The following ADGRB3 variants were observed in gnomAD, a reference collection of about 807,000 sequenced individuals.
ADGRB3 encodes adhesion G protein-coupled receptor B3.
ADGRB3 carries 37 observed loss-of-function variants against 193.4 expected under a neutral mutation model. The ratio of observed to expected loss-of-function variants is 0.19; its 90% CI spans 0.15 to 0.25. The LOEUF is 0.25. Ranked by LOEUF, ADGRB3 falls within the 10% of genes least tolerant of loss-of-function variation. The pLI is 1.00. For missense variants in ADGRB3, 1,637 were observed against 1,852.9 expected (o/e 0.88, Z 2.14); for synonymous variants, 690 against 644.2 (o/e 1.07, Z -1.08).
At chr6:68,739,257 C>T in intron 3 of ADGRB3, among the ~76,000 whole-genome samples, 1 of 151,962 alleles carries the variant, frequency 6.6e-6, no homozygotes, top group East Asian at 1.9e-4. Flanking sequence ...AAGGAAAGAT[C>T]TTTGTAGGAA....
chr6:68,638,102 G>A (rs1418065011), intron 2 of ADGRB3, among the ~76,000 whole-genome samples: 1 of 152,182 alleles, frequency 6.6e-6, no homozygotes, highest in African/African-American at 2.4e-5. Flanking sequence ...TGTTCCATCT[G>A]TAATAAATTA....
At chr6:68,860,485 T>A (rs1361791450) in intron 3 of ADGRB3, among the ~76,000 whole-genome samples, 1 of 152,232 alleles carries the variant, frequency 6.6e-6, no homozygotes, top group African/African-American at 2.4e-5. Context: ...GGATAAATGA[T>A]AATTGATTTC....
intron 3 of ADGRB3, among the ~76,000 whole-genome samples, chr6:68,837,142 C>G (rs903492864): frequency 6.6e-6 from 1 of 152,152 alleles, no homozygotes; most frequent in Admixed American, 6.5e-5. Flanking sequence ...AAACCAGGAA[C>G]TGCATACAAA....
intron 17 of ADGRB3, among the ~76,000 whole-genome samples, chr6:69,152,712 G>A (rs1029838917): frequency 4.6e-5 from 7 of 152,078 alleles, no homozygotes; most frequent in African/African-American, 1.4e-4. Flanking sequence ...CCATCACAAA[G>A]GATGCACATT....
intron 17 of ADGRB3, among the ~76,000 whole-genome samples, chr6:69,098,158 C>T (rs377517546): frequency 1.6e-4 from 24 of 152,270 alleles, no homozygotes; most frequent in African/African-American, 5.5e-4. Context: ...TCATAAACTC[C>T]TGGCTTCAAG....
chr6:68,960,237 C>A (rs1375827140), intron 8 of ADGRB3, among the ~76,000 whole-genome samples: 1 of 152,100 alleles, frequency 6.6e-6, no homozygotes, highest in African/African-American at 2.4e-5. Flanking sequence ...GTTCTTGGAA[C>A]CACAGCTGCT....
rs73475327 is a variant in ADGRB3, at chr6:69,382,011, T to C, written c.4276-820T>C. Among the ~76,000 whole-genome samples, 1,036 of 152,050 alleles carry C rather than the reference T, an allele frequency of 6.8e-3. 7 individuals are homozygous for C. Among genetic ancestry groups the C allele is most frequent in the African/African-American group, 0.021 (889 of 41,524 alleles). ...ATCTAACTCTTCTTCGTTAGTGCTC[T>C]TAAATGATCTGTAATTGAACAAGAT... On this transcript the variant is annotated intron_variant, in intron 30 of 31. Coordinates refer to ENST00000370598, the MANE Select transcript of ADGRB3 (RefSeq NM_001704.3).
intron 3 of ADGRB3, among the ~76,000 whole-genome samples, chr6:68,758,333 A>G (rs1766335680): frequency 1.3e-5 from 2 of 152,012 alleles, no homozygotes; most frequent in African/African-American, 4.8e-5. Flanking sequence ...CAGAATCATT[A>G]TCATCATCAT....
chr6:69,354,018 G>A (rs528676382), intron 26 of ADGRB3, among the ~76,000 whole-genome samples: 2 of 152,190 alleles, frequency 1.3e-5, no homozygotes, highest in Admixed American at 6.5e-5. Context: ...AGGCAGGATC[G>A]CACCATTGCA....
intron 20 of ADGRB3, among the ~76,000 whole-genome samples, chr6:69,283,337 C>A (rs1351429856): frequency 6.6e-6 from 1 of 152,122 alleles, no homozygotes; most frequent in Non-Finnish European, 1.5e-5. Context: ...AGACCTGGGG[C>A]CTGCAGACAA....
intron 8 of ADGRB3, among the ~76,000 whole-genome samples, chr6:68,968,364 C>T (rs530832656): frequency 8.3e-4 from 127 of 152,264 alleles, no homozygotes; most frequent in Non-Finnish European, 1.5e-3. Flanking sequence ...GAAAAACTTT[C>T]TGATACCCCG....
intron 17 of ADGRB3, among the ~76,000 whole-genome samples, chr6:69,121,198 G>A (rs996123649): frequency 9.9e-5 from 15 of 151,800 alleles, no homozygotes; most frequent in Non-Finnish European, 1.9e-4. Context: ...ATTAGGGAGT[G>A]GTGATGACTC....
At chr6:68,749,797 T>A (rs1379192113) in intron 3 of ADGRB3, among the ~76,000 whole-genome samples, 1 of 152,136 alleles carries the variant, frequency 6.6e-6, no homozygotes, top group Non-Finnish European at 1.5e-5. Context: ...AGTCTGTATC[T>A]GGCATGTTAG....
chr6:68,837,443 T>C (rs1407948721), intron 3 of ADGRB3, among the ~76,000 whole-genome samples: 3 of 152,230 alleles, frequency 2.0e-5, no homozygotes, highest in Non-Finnish European at 4.4e-5. Flanking sequence ...TGTGCAACTG[T>C]TCAAATATCT....
intron 17 of ADGRB3, among the ~76,000 whole-genome samples, chr6:69,198,589 A>T (rs75506214): frequency 2.2e-3 from 334 of 152,174 alleles, no homozygotes; most frequent in African/African-American, 7.6e-3. Flanking sequence ...GGTAGCAGCA[A>T]CTACAAAGGC....
intron 30 of ADGRB3, among the ~76,000 whole-genome samples, chr6:69,382,570 G>C (rs1769971698): frequency 6.6e-6 from 1 of 151,682 alleles, no homozygotes; most frequent in African/African-American, 2.4e-5. Context: ...GAAATGACTG[G>C]TACATTTTTA....
At chr6:68,842,676 G>GTAT (rs1257438531) in intron 3 of ADGRB3, among the ~76,000 whole-genome samples, 1 of 151,904 alleles carries the variant, frequency 6.6e-6, no homozygotes. Flanking sequence ...TGTGATGCCA[G>GTAT]TATTACCCTG....
Position 68,639,297 on chromosome 6 carries a change from G to T in ADGRB3, c.622G>T (p.Asp208Tyr). The change falls in exon 3 of 32, where the codon GAC (aspartate) becomes TAC (tyrosine). Residue 208 changes from aspartate to tyrosine, a missense_variant. Physicochemically the swap from Asp to Tyr is radical, Grantham distance 160. Around this residue, in one of 7 missense-constraint regions of ADGRB3, gnomAD observed 365 missense variants for 409.8 expected, o/e 0.89. Transcript: ENST00000370598. Reference protein sequence around the residue: ...CPQHLGEWGIDDQSLILLNNV... With the variant: ...CPQHLGEWGIYDQSLILLNNV... ...TCAGCATTTGGGAGAGTGGGGGATC[G>T]ACGACCAGTCGCTGATTTTGTTAAA... 6.2e-7 allele frequency: 1 copy of T among 1,614,054 alleles called. No homozygotes were observed. Among genetic ancestry groups the T allele is most frequent in the African/African-American group, 1.3e-5 (1 of 75,004 alleles).
At chr6:68,858,846 C>T (rs1213091481) in intron 3 of ADGRB3, among the ~76,000 whole-genome samples, 3 of 152,162 alleles carry the variant, frequency 2.0e-5, no homozygotes, top group Non-Finnish European at 4.4e-5. Context: ...CCATTGTTTT[C>T]TCCTGACCCT....
Sources: allele counts gnomAD v4.1 joint callset (sites outside exome capture counted in the v4.1 genomes callset), GRCh38; gene constraint gnomAD v4.1.1; regional missense constraint gnomAD v4.1.1; transcripts MANE v1.5; gene names NCBI Gene and HGNC (gene_info 2026-07-23, HGNC 2026-07-21).